Variants in PGC observed in about 807,000 individuals in gnomAD.
The protein encoded by PGC is gastricsin.
In PGC, 31 loss-of-function variants were observed where a neutral mutation model predicts 45.9. The observed-to-expected ratio is 0.67, with a 90% CI of 0.51 to 0.91. The LOEUF is 0.91. Among genes scored for constraint, PGC ranks in the 40% least tolerant of loss-of-function variants. The pLI is 0.00. For missense variants in PGC, 477 were observed against 493.2 expected, an observed-to-expected ratio of 0.97 and a Z score of 0.31; for synonymous variants, 192 against 201.8, an observed-to-expected ratio of 0.95 and a Z score of 0.41.
At position 41,740,617 on chromosome 6, in the gene PGC, G is replaced by C. The variant is rs894770321; in HGVS notation, c.648-7C>G. ...CCCGCTGGAGCCCTGCTGGCTGCAG[G>C]AGAGAAAGGGAAGGGGAAGTCAGGG... is the stretch of plus-strand genomic sequence containing the variant. On this transcript the variant is annotated splice_region_variant and splice_polypyrimidine_tract_variant and intron_variant, in intron 5 of 8. Transcript: ENST00000373025. The C allele has an allele frequency of 6.3e-7, 1 of 1,589,396 alleles. No individual in the cohort carries two copies. Among genetic ancestry groups the C allele is most frequent in the Non-Finnish European group, 8.6e-7 (1 of 1,169,248 alleles).
chr6:41,743,540 A>G, intron 3 of PGC, 151 bp from the exon 4 acceptor site: 3 of 661,018 alleles, frequency 4.5e-6, no homozygotes, highest in Non-Finnish European at 8.3e-6. Flanking sequence ...AAGGGGTGGC[A>G]TTGGAAGGCC....
At chr6:41,741,356 C>T in intron 5 of PGC, 1 of 862,048 alleles carries the variant, frequency 1.2e-6, no homozygotes, top group South Asian at 2.0e-5. Context: ...TAGAAAGTGG[C>T]TGCCTAAGGC....
chr6:41,744,246 G>A lies in PGC; in HGVS notation c.328+151C>T. The stretch of plus-strand genomic sequence containing the variant: ...AGGACCAGCATCTTTCCTCTGGCTT[G>A]GGCATGCTGTGTGGCCCTGCACATG... On this transcript the variant is annotated intron_variant, in intron 3 of 8. Transcript: ENST00000373025. This position sits in a 1 kb window ranked among gnomAD's most constrained non-coding sequence, Gnocchi z 4.4. The A allele has an allele frequency of 1.8e-6, 1 of 563,332 alleles. No homozygotes were observed. Among genetic ancestry groups the A allele is most frequent in the Non-Finnish European group, 3.2e-6 (1 of 312,370 alleles). 34.9% of individuals were successfully genotyped at this position (563,332 alleles called of 1,614,324 possible).
In PGC at chr6:41,737,003, T is replaced by A. The variant is rs757503065; in HGVS notation, c.1016A>T (p.Asn339Ile). ...GACTCCCACGGTGCAGTAGCCGTTG[T>A]TCTGCTCAACAAAGAAAGGCAGCAC... ...PLPPSSYILS[N>I]NGYCTVGVEP... Residue 339 changes from asparagine to isoleucine, a missense_variant and splice_region_variant, in exon 9 of 9, where the codon AAC becomes ATC. By Grantham distance (149) the Asn-to-Ile change is moderately radical. Coordinates refer to ENST00000373025, the MANE Select transcript of PGC (RefSeq NM_002630.4). The A allele has an allele frequency of 6.2e-7, 1 of 1,612,906 alleles. No individual in the cohort carries two copies. Among genetic ancestry groups the A allele is most frequent in the Non-Finnish European group, 8.5e-7 (1 of 1,179,482 alleles).
chr6:41,744,568 T>TCCTC lies in PGC; in HGVS notation c.211-58_211-55dup. 6.3e-7 allele frequency: 1 copy of TCCTC among 1,580,280 alleles called. No homozygotes were observed. On this transcript the variant is annotated intron_variant, in intron 2 of 8. Transcript: ENST00000373025. The surrounding 1 kb of genome is among the most constrained non-coding windows in gnomAD (Gnocchi z 4.4). ...CCAGAGGGATCCAGGGGCCCCAGGC[T>TCCTC]CCTCCATGGGCAGAGGAGTGAAGGG... is the stretch of plus-strand genomic sequence containing the variant.
At chr6:41,740,790 A>G in intron 5 of PGC, 180 bp from the exon 6 acceptor site, 1 of 1,427,800 alleles carries the variant, frequency 7.0e-7, no homozygotes, top group Non-Finnish European at 9.1e-7. Flanking sequence ...TATCCCTTAG[A>G]TTGGAGCTCC....
chr6:41,744,721 A>T lies in PGC; in HGVS notation c.147T>A (p.Asp49Glu), dbSNP rs776412020. 3.1e-6 allele frequency: 5 copies of T among 1,614,136 alleles called. No homozygotes were observed. Among genetic ancestry groups the T allele is most frequent in the Non-Finnish European group, 4.2e-6 (5 of 1,179,994 alleles). Residue 49 changes from aspartate (D) to glutamate (E), a missense_variant, in exon 2 of 9, where the codon GAT becomes GAA. Coordinates refer to ENST00000373025, the MANE Select transcript of PGC (RefSeq NM_002630.4). This position sits in a 1 kb window ranked among gnomAD's most constrained non-coding sequence, Gnocchi z 4.4. ...LGEFLRTHKY[D>E]PAWKYRFGDL... ...CACCAAAGCGGTACTTCCAAGCAGG[A>T]TCATACTTGTGGGTCCTCAGGAACT...
At chr6:41,738,524 A>G (rs1019816269) in intron 7 of PGC, among the ~76,000 whole-genome samples, 2 of 152,050 alleles carry the variant, frequency 1.3e-5, no homozygotes, top group East Asian at 1.9e-4. Flanking sequence ...GCTACTCAGG[A>G]GGCTGAGGTG....
Position 41,744,410 on chromosome 6 carries a change from C to G in PGC, c.315G>C (p.Gln105His). The change falls in exon 3 of 9, where the codon CAG becomes CAC. Residue 105 changes from glutamine (Q) to histidine (H), a missense_variant. Coordinates refer to ENST00000373025, the MANE Select transcript of PGC (RefSeq NM_002630.4). The surrounding 1 kb of genome is among the most constrained non-coding windows in gnomAD (Gnocchi z 4.4). ...CCCAGCACTCACTGCAGGCCTGGCT[C>G]TGGCAGTAGACAGAGGGCACCCACA... is the stretch of plus-strand genomic sequence containing the variant. ...SNLWVPSVYC[Q>H]SQACTSHSRF... The G allele has an allele frequency of 5.6e-6, 9 of 1,611,430 alleles. No homozygotes were observed. Among genetic ancestry groups the G allele is most frequent in the Non-Finnish European group, 7.6e-6 (9 of 1,178,920 alleles).
rs761058596 is a variant in PGC at position 41,739,842 on chromosome 6, G to A, written c.872C>T (p.Ala291Val). ...CTGGGCCCCTGTGGCCTGCAGAAGA[G>A]CACTCATGTACTGCTGGGGCACAGT... is the stretch of plus-strand genomic sequence containing the variant. ...LLTVPQQYMS[A>V]LLQATGAQED... Residue 291 changes from alanine to valine, a missense_variant, in exon 7 of 9, where the codon GCT becomes GTT. Physicochemically the swap from Ala to Val is moderately conservative, Grantham distance 64. Coordinates refer to ENST00000373025, the MANE Select transcript of PGC (RefSeq NM_002630.4). 1 of 1,614,114 alleles carries A rather than the reference G, an allele frequency of 6.2e-7. No homozygotes were observed. Among genetic ancestry groups the A allele is most frequent in the Non-Finnish European group, 8.5e-7 (1 of 1,179,964 alleles).
chr6:41,742,244 C>T (rs199964929), intron 5 of PGC, 46 bp downstream of exon 5: 26 of 1,563,808 alleles, frequency 1.7e-5, no homozygotes, highest in African/African-American at 4.0e-5. Context: ...CCAGGGCGGC[C>T]GGGGGAGCAT....
rs969373420 is a variant in PGC at position 41,743,169 on chromosome 6, AC to A, written c.447+101del. On this transcript the variant is annotated intron_variant, in intron 4 of 8. Transcript: ENST00000373025. ...CTTGTCCTGCCTTCCTGTCCTGCACACCAGAACACTAGCATTCCACCGTGTT... is the reference window on the plus strand; with the variant it reads ...CTTGTCCTGCCTTCCTGTCCTGCACACAGAACACTAGCATTCCACCGTGTT... 7.6e-6 allele frequency: 6 copies of A among 784,866 alleles called. No homozygotes were observed. In the African/African-American group the frequency reaches 1.0e-4, roughly 13 times the overall value. The allele number at this position is 784,866 out of a possible 1,614,324, so 48.6% of individuals were successfully genotyped here.
chr6:41,744,748 C>T lies in PGC; in HGVS notation c.120G>A (p.Gly40=), dbSNP rs1771897013. Residue 40 remains glycine (G), a synonymous_variant, in exon 2 of 9, where the codon GGG becomes GGA. Transcript: ENST00000373025. The surrounding 1 kb of genome is among the most constrained non-coding windows in gnomAD (Gnocchi z 4.4). Reference sequence around the variant, plus strand: ...CATACTTGTGGGTCCTCAGGAACTCCCCCAGCAAGCCCTTCTCCTTCATGG... The same window carrying T: ...CATACTTGTGGGTCCTCAGGAACTCTCCCAGCAAGCCCTTCTCCTTCATGG... The part of the protein sequence containing the change: ...RETMKEKGLL[G]EFLRTHKYDP... The T allele has an allele frequency of 5.6e-6, 9 of 1,614,076 alleles. No homozygotes were observed. Among genetic ancestry groups the T allele is most frequent in the Non-Finnish European group, 7.6e-6 (9 of 1,179,938 alleles).
chr6:41,738,157 C>CGT (rs1554138605), intron 7 of PGC, among the ~76,000 whole-genome samples: 1 of 27,792 alleles, frequency 3.6e-5, no homozygotes, highest in African/African-American at 1.2e-4. Flanking sequence ...TATATATATA[C>CGT]ATATATATGC....
At position 41,742,679 on chromosome 6, in the gene PGC, C is replaced by T. The variant is rs144602323; in HGVS notation, c.448-190G>A. ...CTCGCCCTGTCACCAGGCTGGAATG[C>T]AGTGGCGCAATCTCAGCTCACAGCA... On this transcript the variant is annotated intron_variant, in intron 4 of 8. Coordinates refer to ENST00000373025, the MANE Select transcript of PGC (RefSeq NM_002630.4). 3.4e-3 allele frequency among the ~76,000 whole-genome samples: 513 copies of T among 152,330 alleles called. 6 individuals carry two copies. The highest frequency in any genetic ancestry group is 0.011 in the African/African-American group (459 of 41,574).
intron 5 of PGC, among the ~76,000 whole-genome samples, chr6:41,741,449 C>T (rs539035141): frequency 1.3e-5 from 2 of 152,232 alleles, no homozygotes; most frequent in East Asian, 1.9e-4. Flanking sequence ...AGTTTGAGAC[C>T]AGCCTGGCCA....
intron 6 of PGC, 68 bp from the exon 7 acceptor site, chr6:41,740,014 C>A: frequency 6.9e-7 from 1 of 1,441,210 alleles, no homozygotes; most frequent in South Asian, 1.2e-5. Flanking sequence ...GGGCTTTCCC[C>A]ACCACTGTGG....
intron 1 of PGC, among the ~76,000 whole-genome samples, chr6:41,745,233 A>G (rs1225491690): frequency 9.0e-6 from 1 of 111,218 alleles, no homozygotes; most frequent in African/African-American, 3.6e-5. Flanking sequence ...TACCCTTTTC[A>G]GGATATGTAC....
intron 7 of PGC, 65 bp from the exon 8 acceptor site, chr6:41,737,893 T>C (rs939505874): frequency 2.1e-6 from 2 of 954,810 alleles, no homozygotes; most frequent in African/African-American, 3.2e-5. Flanking sequence ...AGCCCCATCA[T>C]CTCAGCCCCT....
Sources: gnomAD v4.1 joint callset for allele counts (sites outside exome capture counted in the v4.1 genomes callset) on GRCh38, gnomAD v4.1.1 for gene constraint, Gnocchi (gnomAD v3.1) non-coding constraint, MANE v1.5 for transcripts, NCBI Gene and HGNC (gene_info 2026-07-23, HGNC 2026-07-21) for gene names.